Variants in CMIP observed in about 807,000 individuals in gnomAD.
CMIP encodes c-Maf inducing protein, also known as C-Maf-inducing protein.
A neutral mutation model predicts 97.3 loss-of-function variants in CMIP; 13 were observed. The observed-to-expected ratio is 0.13, with a 90% confidence interval of 0.09 to 0.21. CMIP has a LOEUF of 0.21. Among genes scored for constraint, CMIP ranks in the 10% least tolerant of loss-of-function variants. The pLI is 1.00. For synonymous variants in CMIP, 538 were observed against 436.3 expected (o/e 1.23, Z -2.91); for missense variants, 847 against 1,024.9 (o/e 0.83, Z 2.37).
At chr16:81,604,751 C>A (rs1008559679) in intron 1 of CMIP, among the ~76,000 whole-genome samples, 2 of 152,094 alleles carry the variant, frequency 1.3e-5, no homozygotes, top group Non-Finnish European at 2.9e-5. Flanking sequence ...CCAACCTTTC[C>A]CTAAAAAGCC....
intron 1 of CMIP, among the ~76,000 whole-genome samples, chr16:81,521,470 T>G (rs1413448071): frequency 6.6e-6 from 1 of 152,030 alleles, no homozygotes; most frequent in South Asian, 2.1e-4. Flanking sequence ...CTCCCTGAAA[T>G]GCCACTGCAG....
At chr16:81,685,126 C>T (rs991092537) in intron 10 of CMIP, among the ~76,000 whole-genome samples, 3 of 152,252 alleles carry the variant, frequency 2.0e-5, no homozygotes, top group Admixed American at 2.0e-4. Context: ...CAGCGCCCCC[C>T]ATTCATCCAC....
intron 1 of CMIP, among the ~76,000 whole-genome samples, chr16:81,600,058 A>G (rs1212590504): frequency 6.6e-6 from 1 of 152,040 alleles, no homozygotes; most frequent in African/African-American, 2.4e-5. Flanking sequence ...AGGTGGGTGG[A>G]TCACAAGGTC....
At chr16:81,503,126 G>GGTGACCA (rs1182426324) in intron 1 of CMIP, among the ~76,000 whole-genome samples, 1 of 152,168 alleles carries the variant, frequency 6.6e-6, no homozygotes, top group Non-Finnish European at 1.5e-5. Flanking sequence ...CCCGGAGTAC[G>GGTGACCA]GTGACCAGTT....
At chr16:81,613,746 C>T (rs56210556) in intron 2 of CMIP, among the ~76,000 whole-genome samples, 1 of 152,242 alleles carries the variant, frequency 6.6e-6, no homozygotes, top group Non-Finnish European at 1.5e-5. Context: ...GGACTTTCTT[C>T]GCTGAGCAGA....
intron 1 of CMIP, among the ~76,000 whole-genome samples, chr16:81,486,956 G>C (rs2089323891): frequency 6.6e-6 from 1 of 152,398 alleles, no homozygotes; most frequent in Non-Finnish European, 1.5e-5. Context: ...GCGCACGGCA[G>C]GCGATAACCG....
At chr16:81,573,007 C>G (rs181943547) in intron 1 of CMIP, among the ~76,000 whole-genome samples, 1 of 152,166 alleles carries the variant, frequency 6.6e-6, no homozygotes, top group East Asian at 1.9e-4. Context: ...AATGAAATGA[C>G]CTCTGGTCCC....
intron 1 of CMIP, chr16:81,520,541 A>G (rs1187784649): frequency 6.9e-6 from 1 of 145,624 alleles, no homozygotes; most frequent in African/African-American, 2.6e-5. Flanking sequence ...TCTCTCAGAG[A>G]GAGAGAGAGG....
intron 14 of CMIP, chr16:81,696,919 G>A: frequency 3.6e-6 from 2 of 555,970 alleles, no homozygotes; most frequent in Non-Finnish European, 3.2e-6. Flanking sequence ...AGCACAGTGA[G>A]AAGACGACAC....
intron 1 of CMIP, among the ~76,000 whole-genome samples, chr16:81,481,677 C>T (rs1159135409): frequency 6.6e-6 from 1 of 152,112 alleles, no homozygotes; most frequent in Non-Finnish European, 1.5e-5. Flanking sequence ...AAGTTATTAT[C>T]TTACAGTTCT....
At chr16:81,613,035 T>C (rs1024175686) in intron 2 of CMIP, among the ~76,000 whole-genome samples, 1 of 152,196 alleles carries the variant, frequency 6.6e-6, no homozygotes, top group South Asian at 2.1e-4. Flanking sequence ...TGGAAGCCCC[T>C]TAGAGATGCC....
chr16:81,479,204 C>T (rs1016153914), intron 1 of CMIP, among the ~76,000 whole-genome samples: 5 of 152,194 alleles, frequency 3.3e-5, no homozygotes, highest in South Asian at 2.1e-4. Context: ...GTAAAGAGGG[C>T]GGTCAGCTAC....
rs35429777 is a variant in CMIP, at chr16:81,678,482, G to A, written c.1242G>A (p.Pro414=). Residue 414 remains proline (P), a synonymous_variant, in exon 10 of 21, where the codon CCG becomes CCA. Transcript: ENST00000537098. ...TGGAACGCACCAGCACTGCCAAGCC[G>A]GCGCTGACGGCCAGCGCAGGCAACG... ...VEVERTSTAK[P]ALTASAGNDS... The A allele has an allele frequency of 1.2e-3, 1,934 of 1,595,146 alleles. 35 individuals are homozygous for A. The African/African-American group carries it at 0.022, about 18-fold the overall frequency.
At position 81,607,649 on chromosome 16, in the gene CMIP, A is replaced by G; in HGVS notation, c.383A>G (p.Tyr128Cys). 6.2e-7 allele frequency: 1 copy of G among 1,614,038 alleles called. No individual in the cohort carries two copies. Among genetic ancestry groups the G allele is most frequent in the Non-Finnish European group, 8.5e-7 (1 of 1,179,888 alleles). ...QLLSWENAPK[Y>C]CLQLTIPGGT... Reference sequence around the variant, plus strand: ...CTGTCCTGGGAGAATGCCCCGAAGTACTGTTTACAGCTCACGATTCCTGGG... The same window carrying G: ...CTGTCCTGGGAGAATGCCCCGAAGTGCTGTTTACAGCTCACGATTCCTGGG... The change falls in exon 2 of 21, where the codon TAC becomes TGC. Residue 128 changes from tyrosine (Y) to cysteine (C), a missense_variant. This residue lies in a region of CMIP where 285 missense variants were observed against 392.2 expected (regional missense o/e 0.73). Transcript: ENST00000537098.
rs371670093 is a variant in CMIP, at chr16:81,577,700, C to A, written c.301-29867C>A. ...TACCACTACATTATTATCACTATCA[C>A]CATCACCATCATCACCATCACCTTC... On this transcript the variant is annotated intron_variant, in intron 1 of 20. Transcript: ENST00000537098. Among the ~76,000 whole-genome samples, 503 of 149,818 alleles carry A rather than the reference C, an allele frequency of 3.4e-3. 4 individuals carry two copies. The highest frequency in any genetic ancestry group is 0.019 in the South Asian group (87 of 4,632).
At chr16:81,448,722 A>G (rs1906022199) in intron 1 of CMIP, among the ~76,000 whole-genome samples, 1 of 152,236 alleles carries the variant, frequency 6.6e-6, no homozygotes, top group African/African-American at 2.4e-5. Context: ...TTGGATCCGA[A>G]ATGCTCGTAA....
In CMIP at chr16:81,449,441, G is replaced by T. The variant is rs756849652; in HGVS notation, c.300+3900G>T. 3.9e-5 allele frequency among the ~76,000 whole-genome samples: 6 copies of T among 152,330 alleles called. No homozygotes were observed. In the East Asian group the frequency reaches 7.7e-4, roughly 20 times the overall value. On this transcript the variant is annotated intron_variant, in intron 1 of 20. Transcript: ENST00000537098. ...CACAGGCTTACTGCATGCCTACTGT[G>T]TGTCACTTGCTGAGCTAAGAGTTAC... is the stretch of plus-strand genomic sequence containing the variant.
At chr16:81,654,217 A>T (rs1180222437) in intron 4 of CMIP, among the ~76,000 whole-genome samples, 1 of 147,888 alleles carries the variant, frequency 6.8e-6, no homozygotes, top group African/African-American at 2.7e-5. Context: ...TGGCCTTCAC[A>T]TCCCTCCTTG....
Position 81,652,868 on chromosome 16 carries a change from G to T in CMIP, c.639+504G>T, listed in dbSNP as rs933091211. 9.2e-5 allele frequency among the ~76,000 whole-genome samples: 14 copies of T among 152,110 alleles called. No homozygotes were observed. Among genetic ancestry groups the T allele is most frequent in the Admixed American group, 3.9e-4 (6 of 15,264 alleles). ...GCTACCTGATGCCACCCGTCGGCTG[G>T]GCCTCCTGTGCCATCTGCTTTGCTG... On this transcript the variant is annotated intron_variant, in intron 4 of 20. Coordinates refer to ENST00000537098, the MANE Select transcript of CMIP (RefSeq NM_198390.3). The surrounding 1 kb of genome is among the most constrained non-coding windows in gnomAD (Gnocchi z 5.2).
Sources: gnomAD v4.1 joint callset for allele counts (sites outside exome capture counted in the v4.1 genomes callset) on GRCh38, gnomAD v4.1.1 for gene constraint, gnomAD v4.1.1 regional missense constraint, Gnocchi (gnomAD v3.1) non-coding constraint, MANE v1.5 for transcripts, NCBI Gene and HGNC (gene_info 2026-07-23, HGNC 2026-07-21) for gene names.